FGF22: variants seen among roughly 807,000 people sequenced by gnomAD.
FGF22 encodes the protein FGF-22.
Under a neutral mutation model 10.3 loss-of-function variants are expected in FGF22, and 11 were observed. The ratio of observed to expected loss-of-function variants is 1.07; its 90% confidence interval spans 0.67 to 1.77. FGF22 has a LOEUF of 1.77. Ranked by LOEUF, FGF22 falls within the 40% of genes most tolerant of loss-of-function variation. The probability of loss-of-function intolerance (pLI) is 0.00; values close to 1 mark genes in which losing one functional copy is unlikely to be tolerated. For synonymous variants in FGF22, 136 were observed against 122.1 expected (o/e 1.11, Z -0.75); for missense variants, 317 against 273.2 (o/e 1.16, Z -1.13).
At chr19:644,235 G>T in exon 3 of FGF22, 1 of 154,202 alleles carries the variant, frequency 6.5e-6, no homozygotes, top group Non-Finnish European at 1.4e-5. Flanking sequence ...GCCTCCAGAT[G>T]CTGGGGAAGG....
chr19:640,443 GC>G, intron 1 of FGF22: 2 of 277,576 alleles, frequency 7.2e-6, no homozygotes, highest in Non-Finnish European at 1.3e-5. Context: ...GCTGGGGCAG[GC>G]CCAGCTGCAT....
rs566181056 is a variant in FGF22 at position 643,682 on chromosome 19, C to T, written c.*78C>T. ...CCGGCCACGCTTGTTCTTCCCCCTGCGGGCTCTGTAAGCGCTGAGTGCCCA... is the reference window on the plus strand; with the variant it reads ...CCGGCCACGCTTGTTCTTCCCCCTGTGGGCTCTGTAAGCGCTGAGTGCCCA... On this transcript the variant is annotated 3_prime_UTR_variant, in exon 3 of 3. Coordinates refer to ENST00000215530, the Ensembl canonical transcript of FGF22. The T allele has an allele frequency of 1.3e-4, 161 of 1,254,242 alleles. 1 individual carries two copies. The South Asian group carries it at 2.2e-3, about 17-fold the overall frequency. 77.7% of individuals were successfully genotyped at this position (1,254,242 alleles called of 1,614,324 possible). A position where few individuals can be genotyped will look rare whatever the true frequency, so the allele number is the denominator to read the frequency against.
intron 1 of FGF22, chr19:640,851 A>C: frequency 9.1e-6 from 2 of 219,172 alleles, no homozygotes; most frequent in Non-Finnish European, 1.9e-5. Context: ...CTGCCGCCTG[A>C]ATCACCACCA....
intron 1 of FGF22, chr19:641,263 G>A: frequency 4.4e-6 from 2 of 455,878 alleles, no homozygotes; most frequent in Non-Finnish European, 8.8e-6. Context: ...GTGAACAAGG[G>A]CGCAGGTGGG....
intron 1 of FGF22, 101 bp from the exon 2 acceptor site, chr19:643,134 G>C (rs76290897): frequency 4.0e-4 from 348 of 871,760 alleles, no homozygotes; most frequent in Middle Eastern, 8.8e-4. Flanking sequence ...GGGGTCTCCT[G>C]GTATCTGTCG....
intron 1 of FGF22, chr19:641,352 A>G (rs544592327): frequency 1.6e-4 from 72 of 442,240 alleles, no homozygotes; most frequent in East Asian, 1.4e-4. Context: ...CGAGGCGGGC[A>G]GATCACGAGG....
rs1016749015 is a variant in FGF22, at chr19:641,437, T to C, written c.214+1298T>C. ...CAAAAATACAAAAATTAGCCGGGTG[T>C]GGTGGCGGGCGCCTGTAGTCCCAGC... On this transcript the variant is annotated intron_variant, in intron 1 of 2. Coordinates refer to ENST00000215530, the Ensembl canonical transcript of FGF22. 3.1e-5 allele frequency: 11 copies of C among 359,006 alleles called. No homozygotes were observed. In the Admixed American group the frequency reaches 3.4e-4, roughly 11 times the overall value. 22.2% of individuals were successfully genotyped at this position (359,006 alleles called of 1,614,324 possible).
At chr19:643,051 G>T (rs533537751) in intron 1 of FGF22, among the ~76,000 whole-genome samples, 184 bp from the exon 2 acceptor site, 46 of 152,238 alleles carry the variant, frequency 3.0e-4, no homozygotes, top group Middle Eastern at 6.8e-3. Context: ...TGCTGGGGGG[G>T]GCTCCTGGTG....
rs199913782 is a variant in FGF22 at position 643,448 on chromosome 19, C to T, written c.357C>T (p.Ile119=). Residue 119 remains isoleucine (I), a synonymous_variant, in exon 3 of 3, where the codon ATC becomes ATT. Coordinates refer to ENST00000215530, the Ensembl canonical transcript of FGF22. ...TGGACTGCAGGTTCCGGGAGCGCAT[C>T]GAAGAGAACGGCCACAACACCTACG... 43 of 1,611,496 alleles carry T rather than the reference C, an allele frequency of 2.7e-5. No individual in the cohort carries two copies. The East Asian group carries it at 3.6e-4, about 13-fold the overall frequency.
chr19:643,224 GC>G lies in FGF22; in HGVS notation c.215-9del. The G allele has an allele frequency of 6.5e-7, 1 of 1,546,418 alleles. No homozygotes were observed. Among genetic ancestry groups the G allele is most frequent in the Non-Finnish European group, 8.7e-7 (1 of 1,145,614 alleles). ...GCCAGCAAGGCCCTCCCCGACCCCC[GC>G]CTCCCCCAGGCATCCTGGAGATCCG... is the stretch of plus-strand genomic sequence containing the variant. On this transcript the variant is annotated splice_polypyrimidine_tract_variant and intron_variant, in intron 1 of 2. Transcript: ENST00000215530.
chr19:644,346 C>T (rs1327067693), exon 3 of FGF22: 1 of 152,264 alleles, frequency 6.6e-6, no homozygotes, highest in Non-Finnish European at 1.5e-5. Context: ...TCCAGAACCG[C>T]CAGAAAATAA....
chr19:640,052 C>T, exon 1 of FGF22: 2 of 1,415,714 alleles, frequency 1.4e-6, no homozygotes, highest in Non-Finnish European at 1.8e-6. Context: ...CGTGCGCTGG[C>T]GGCGCCTCTT....
chr19:639,901 C>G (rs1314628703), exon 1 of FGF22: 2 of 1,201,432 alleles, frequency 1.7e-6, no homozygotes, highest in South Asian at 3.7e-5. Context: ...GAGCGACGAG[C>G]GCGCAGCGAA....
chr19:641,574 CAAAA>C (rs68071125), intron 1 of FGF22: 253 of 94,414 alleles, frequency 2.7e-3, no homozygotes, highest in South Asian at 0.01. Flanking sequence ...GACTCCGTCT[CAAAA>C]AAAAAAAAAA....
At chr19:644,323 T>C (rs1004653580) in exon 3 of FGF22, 5 of 152,304 alleles carry the variant, frequency 3.3e-5, no homozygotes, top group African/African-American at 7.2e-5. Context: ...GGGACCCAGT[T>C]TGGACTCTGG....
At chr19:640,922 A>G in intron 1 of FGF22, 1 of 321,890 alleles carries the variant, frequency 3.1e-6, no homozygotes, top group East Asian at 7.8e-5. Flanking sequence ...CAAGGCCCTC[A>G]TTAGGCCGCA....
chr19:640,186 C>A, intron 1 of FGF22, 47 bp downstream of exon 1: 3 of 1,194,798 alleles, frequency 2.5e-6, no homozygotes, highest in Non-Finnish European at 3.2e-6. Flanking sequence ...CGGCGGGTGA[C>A]GGCAACGCGG....
At chr19:642,425 C>T (rs374497144) in intron 1 of FGF22, among the ~76,000 whole-genome samples, 4 of 64,366 alleles carry the variant, frequency 6.2e-5, no homozygotes, top group South Asian at 1.4e-3. Flanking sequence ...CTGTGAGGGC[C>T]GGGCTGGGGG....
intron 1 of FGF22, among the ~76,000 whole-genome samples, chr19:642,774 G>T (rs1026349843): frequency 6.6e-6 from 1 of 151,920 alleles, no homozygotes; most frequent in Non-Finnish European, 1.5e-5. Flanking sequence ...AGTGGTCTGG[G>T]TGGGCCCTGC....
Sources: gnomAD v4.1 joint callset for allele counts (sites outside exome capture counted in the v4.1 genomes callset) on GRCh38, gnomAD v4.1.1 for gene constraint, MANE v1.5 for transcripts, NCBI Gene and HGNC (gene_info 2026-07-23, HGNC 2026-07-21) for gene names.